Variants in FXR1 observed in about 807,000 individuals in gnomAD.
FXR1 encodes the protein FMR1 autosomal homolog 1.
In FXR1, 15 loss-of-function variants were observed where a neutral mutation model predicts 84.0. The ratio of observed to expected loss-of-function variants is 0.18; its 90% CI spans 0.12 to 0.27. FXR1 has a LOEUF of 0.27. Among genes scored for constraint, FXR1 ranks in the 10% least tolerant of loss-of-function variants. The probability of loss-of-function intolerance (pLI) is 1.00; values close to 1 mark genes in which losing one functional copy is unlikely to be tolerated. For synonymous variants in FXR1, 245 were observed against 250.7 expected (o/e 0.98, Z 0.21); for missense variants, 480 against 774.4 (o/e 0.62, Z 4.51).
At chr3:180,934,421 AT>A (rs1357790528) in intron 2 of FXR1, among the ~76,000 whole-genome samples, 2 of 152,178 alleles carry the variant, frequency 1.3e-5, no homozygotes, top group Admixed American at 6.5e-5. Flanking sequence ...GTAGGGAATA[AT>A]TTTTTACTTT....
At chr3:180,965,904 A>C (rs184469962) in intron 13 of FXR1, among the ~76,000 whole-genome samples, 9 of 152,238 alleles carry the variant, frequency 5.9e-5, no homozygotes, top group African/African-American at 2.2e-4. Context: ...TTTAAGGAAG[A>C]CTTTACTTGC....
Position 180,978,154 on chromosome 3 carries a change from A to AT in FXR1, c.*1864dup, listed in dbSNP as rs1433083366. The AT allele has an allele frequency of 1.1e-4, 16 of 151,122 alleles. No homozygotes were observed. The highest frequency in any genetic ancestry group is 3.9e-4 in the African/African-American group (16 of 40,802). 9.4% of individuals were successfully genotyped at this position (151,122 alleles called of 1,614,324 possible). ...ATTATAAGGTATTAGAAGAATTTTA[A>AT]TTAATGCCAAATTGGTAAATATGGT... On this transcript the variant is annotated 3_prime_UTR_variant, in exon 17 of 17. Coordinates refer to ENST00000357559, the MANE Select transcript of FXR1 (RefSeq NM_005087.4).
intron 1 of FXR1, among the ~76,000 whole-genome samples, chr3:180,923,051 C>G (rs777017547): frequency 2.6e-5 from 4 of 152,150 alleles, no homozygotes; most frequent in Non-Finnish European, 4.4e-5. Context: ...ATTATACATA[C>G]AATTTCTTAG....
At chr3:180,944,914 CACG>C (rs1421147169) in intron 3 of FXR1, among the ~76,000 whole-genome samples, 2 of 152,266 alleles carry the variant, frequency 1.3e-5, no homozygotes, top group Non-Finnish European at 2.9e-5. Context: ...TGAGCCCCAC[CACG>C]CATGGCCTTA....
intron 13 of FXR1, among the ~76,000 whole-genome samples, chr3:180,966,690 A>G (rs1053659294): frequency 5.3e-5 from 8 of 152,278 alleles, no homozygotes; most frequent in African/African-American, 7.2e-5. Flanking sequence ...CCACAGGGGG[A>G]AAAAATAACA....
chr3:180,920,251 G>T (rs906147862), intron 1 of FXR1, among the ~76,000 whole-genome samples: 4 of 151,974 alleles, frequency 2.6e-5, no homozygotes, highest in Admixed American at 2.6e-4. Context: ...AGTTTTTCAG[G>T]TTATTTTCAA....
chr3:180,940,158 A>C (rs188613993), intron 3 of FXR1, among the ~76,000 whole-genome samples: 2 of 152,348 alleles, frequency 1.3e-5, no homozygotes, highest in Admixed American at 1.3e-4. Context: ...AAAGGTCTAA[A>C]ATGGAAATAT....
At chr3:180,932,755 A>T (rs1384169382) in intron 1 of FXR1, among the ~76,000 whole-genome samples, 1 of 152,220 alleles carries the variant, frequency 6.6e-6, no homozygotes, top group African/African-American at 2.4e-5. Flanking sequence ...AATGGCAAAG[A>T]TAGTATTCAA....
At chr3:180,947,082 T>TC (rs1721773589) in intron 3 of FXR1, among the ~76,000 whole-genome samples, 2 of 152,190 alleles carry the variant, frequency 1.3e-5, no homozygotes, top group African/African-American at 4.8e-5. Flanking sequence ...GATGGAGTTT[T>TC]GCTCTAGGTG....
At chr3:180,927,870 T>A (rs1438406556) in intron 1 of FXR1, 2 of 389,732 alleles carry the variant, frequency 5.1e-6, no homozygotes, top group African/African-American at 4.1e-5. Context: ...TTGTTCTTAC[T>A]CACCTAAGAA....
chr3:180,952,447 G>T (rs741503), intron 8 of FXR1, among the ~76,000 whole-genome samples: 36,356 of 152,016 alleles, frequency 0.24, 4,557 homozygotes, highest in African/African-American at 0.31. Context: ...ACCCCAGCAA[G>T]TTTGGATGCT....
intron 1 of FXR1, among the ~76,000 whole-genome samples, chr3:180,925,091 C>T (rs753698623): frequency 1.6e-4 from 24 of 152,138 alleles, no homozygotes; most frequent in South Asian, 1.0e-3. Flanking sequence ...TGGCCGGGCG[C>T]GATGGCTCAC....
chr3:180,962,153 G>T (rs912811095), intron 11 of FXR1, among the ~76,000 whole-genome samples: 2 of 152,096 alleles, frequency 1.3e-5, no homozygotes, highest in Non-Finnish European at 2.9e-5. Flanking sequence ...TATTCCTGCT[G>T]TGTTTCTTTT....
chr3:180,941,183 T>C (rs1721084810), intron 3 of FXR1, among the ~76,000 whole-genome samples: 1 of 152,010 alleles, frequency 6.6e-6, no homozygotes, highest in Non-Finnish European at 1.5e-5. Flanking sequence ...TTTAGATTTT[T>C]TTTTTTTTCC....
At chr3:180,941,452 A>G (rs1310957415) in intron 3 of FXR1, among the ~76,000 whole-genome samples, 1 of 152,200 alleles carries the variant, frequency 6.6e-6, no homozygotes, top group Non-Finnish European at 1.5e-5. Flanking sequence ...TCAGCCTCCC[A>G]AAGTGGTGTG....
At chr3:180,927,650 C>T (rs1378779468) in intron 1 of FXR1, 3 of 555,206 alleles carry the variant, frequency 5.4e-6, no homozygotes, top group Admixed American at 7.0e-5. Flanking sequence ...CCCCACAGGC[C>T]ATTTAAGCAC....
At chr3:180,922,147 A>G (rs1203421823) in intron 1 of FXR1, among the ~76,000 whole-genome samples, 2 of 152,202 alleles carry the variant, frequency 1.3e-5, no homozygotes, top group Admixed American at 6.5e-5. Context: ...GTCGCTCCAC[A>G]TAACTATTTC....
chr3:180,913,179 C>T (rs1331369342), intron 1 of FXR1, among the ~76,000 whole-genome samples: 1 of 152,196 alleles, frequency 6.6e-6, no homozygotes, highest in Non-Finnish European at 1.5e-5. Context: ...CCTCCGACCC[C>T]TCCCCACCCC....
intron 1 of FXR1, among the ~76,000 whole-genome samples, chr3:180,913,427 A>G (rs1265136061): frequency 6.6e-6 from 1 of 152,156 alleles, no homozygotes; most frequent in Non-Finnish European, 1.5e-5. Context: ...TTAAAGTAAG[A>G]TTTAAAATGC....
Sources: allele counts gnomAD v4.1 joint callset (sites outside exome capture counted in the v4.1 genomes callset), GRCh38; gene constraint gnomAD v4.1.1; transcripts MANE v1.5; gene names NCBI Gene and HGNC (gene_info 2026-07-23, HGNC 2026-07-21).